Variants in MGMT observed in about 807,000 individuals in gnomAD.
MGMT encodes the protein methylated-DNA--protein-cysteine methyltransferase.
MGMT carries 14 observed loss-of-function variants against 15.9 expected under a neutral mutation model. That is an observed-to-expected ratio of 0.88 (90% CI 0.58 to 1.37). The LOEUF is 1.37. MGMT is among the 40% of genes most tolerant of loss of function. The pLI, the probability that MGMT is intolerant of heterozygous loss-of-function variation, is 0.00. For missense variants in MGMT, 282 were observed against 268.1 expected (o/e 1.05, Z -0.36); for synonymous variants, 130 against 118.2 (o/e 1.10, Z -0.65).
chr10:129,652,689 C>T (rs937284912), intron 2 of MGMT, among the ~76,000 whole-genome samples: 2 of 152,144 alleles, frequency 1.3e-5, no homozygotes, highest in Non-Finnish European at 2.9e-5. Context: ...GGACCCTGTC[C>T]TCCGCACGTC....
intron 2 of MGMT, chr10:129,694,219 G>A (rs991231453): frequency 6.6e-6 from 1 of 152,272 alleles, no homozygotes; most frequent in Admixed American, 6.5e-5. Flanking sequence ...AAGGGTTTGG[G>A]GGGTGAAATC....
intron 1 of MGMT, among the ~76,000 whole-genome samples, chr10:129,521,448 A>G (rs2119725585): frequency 6.6e-6 from 1 of 152,286 alleles, no homozygotes; most frequent in Middle Eastern, 3.4e-3. Context: ...ACTGGATGGA[A>G]GGGACTTCAG....
At chr10:129,679,488 T>G (rs1042875247) in intron 2 of MGMT, among the ~76,000 whole-genome samples, 27 of 152,154 alleles carry the variant, frequency 1.8e-4, no homozygotes, top group African/African-American at 6.5e-4. Context: ...AAAGCACAGC[T>G]TGAGAAATGT....
At chr10:129,643,495 G>A (rs1414225126) in intron 2 of MGMT, among the ~76,000 whole-genome samples, 1 of 152,182 alleles carries the variant, frequency 6.6e-6, no homozygotes, top group African/African-American at 2.4e-5. Context: ...TTGCTCAGAA[G>A]ACGTGGACGG....
At chr10:129,717,015 T>C (rs891320299) in intron 3 of MGMT, among the ~76,000 whole-genome samples, 2 of 152,242 alleles carry the variant, frequency 1.3e-5, no homozygotes, top group Non-Finnish European at 2.9e-5. Flanking sequence ...CGCTCCACTC[T>C]CCGAATCACT....
At chr10:129,654,818 G>T (rs569233680) in intron 2 of MGMT, among the ~76,000 whole-genome samples, 3 of 152,258 alleles carry the variant, frequency 2.0e-5, no homozygotes, top group African/African-American at 7.2e-5. Flanking sequence ...ACCTGAGGGT[G>T]GGGGGCTGTA....
At position 129,566,676 on chromosome 10, in the gene MGMT, C is replaced by T. The variant is rs1007639167; in HGVS notation, c.125+30299C>T. ...CCACTGTTGGTCGTTGGCTGGATCT[C>T]GTTGAAGGCCTGCGGAGATTCAGGT... On this transcript the variant is annotated intron_variant, in intron 2 of 4. Coordinates refer to ENST00000651593, the MANE Select transcript of MGMT (RefSeq NM_002412.5). The surrounding 1 kb of genome is among the most constrained non-coding windows in gnomAD (Gnocchi z 4.1). Among the ~76,000 whole-genome samples the T allele has an allele frequency of 2.0e-5, 3 of 152,054 alleles. No individual in the cohort carries two copies. Among genetic ancestry groups the T allele is most frequent in the Non-Finnish European group, 4.4e-5 (3 of 68,014 alleles).
chr10:129,686,907 G>C (rs1010456304), intron 2 of MGMT, among the ~76,000 whole-genome samples: 2 of 152,116 alleles, frequency 1.3e-5, no homozygotes, highest in Non-Finnish European at 2.9e-5. Context: ...GGGCGTGGGG[G>C]TTCTTCTCAG....
chr10:129,687,081 A>C (rs11016877), intron 2 of MGMT, among the ~76,000 whole-genome samples: 2 of 152,116 alleles, frequency 1.3e-5, no homozygotes, highest in African/African-American at 4.8e-5. Context: ...ACCCTGTGTC[A>C]CAAATAGTAG....
intron 3 of MGMT, among the ~76,000 whole-genome samples, chr10:129,756,035 C>T (rs1848802306): frequency 6.6e-6 from 1 of 152,224 alleles, no homozygotes; most frequent in Non-Finnish European, 1.5e-5. Flanking sequence ...CGCATAAAAA[C>T]CCAGTGTCTG....
chr10:129,667,323 C>T (rs754990352), intron 2 of MGMT, among the ~76,000 whole-genome samples: 17 of 152,258 alleles, frequency 1.1e-4, no homozygotes, highest in South Asian at 4.1e-4. Flanking sequence ...CCCTTCAACA[C>T]GATACTGTTG....
intron 1 of MGMT, among the ~76,000 whole-genome samples, chr10:129,521,639 G>T (rs1845811952): frequency 2.6e-5 from 4 of 152,292 alleles, no homozygotes; most frequent in South Asian, 4.1e-4. Context: ...TTTCCACCTG[G>T]TACCTTGGGG....
At chr10:129,530,934 G>A (rs1465106552) in intron 1 of MGMT, among the ~76,000 whole-genome samples, 1 of 152,196 alleles carries the variant, frequency 6.6e-6, no homozygotes, top group East Asian at 1.9e-4. Flanking sequence ...CTCTCCCCCC[G>A]AAGTGTGGCC....
chr10:129,569,531 T>G (rs1027312176), intron 2 of MGMT, among the ~76,000 whole-genome samples: 15 of 152,198 alleles, frequency 9.9e-5, no homozygotes, highest in African/African-American at 3.6e-4. Context: ...TGCTGTTGCC[T>G]GGCTTTGCCT....
At chr10:129,539,753 A>C (rs1463049886) in intron 2 of MGMT, among the ~76,000 whole-genome samples, 2 of 152,016 alleles carry the variant, frequency 1.3e-5, no homozygotes, top group Non-Finnish European at 2.9e-5. Flanking sequence ...TGATCCACCC[A>C]CCTCGGCCTC....
chr10:129,557,093 A>G (rs927632222), intron 2 of MGMT, among the ~76,000 whole-genome samples: 1 of 152,214 alleles, frequency 6.6e-6, no homozygotes, highest in Non-Finnish European at 1.5e-5. Context: ...CGGGAAATAC[A>G]GATATCCACC....
At position 129,467,252 on chromosome 10, in the gene MGMT, T is replaced by C. The variant is rs1845178009; in HGVS notation, c.-57T>C. On this transcript the variant is annotated 5_prime_UTR_variant, in exon 1 of 5. Transcript: ENST00000651593. ...GCCCGCGCCCCTAGAACGCTTTGCGTCCCGACGCCCGCAGGTCCTCGCGGT... is the reference window on the plus strand; with the variant it reads ...GCCCGCGCCCCTAGAACGCTTTGCGCCCCGACGCCCGCAGGTCCTCGCGGT... The C allele has an allele frequency of 1.3e-6, 2 of 1,535,736 alleles. No individual in the cohort carries two copies. Among genetic ancestry groups the C allele is most frequent in the Non-Finnish European group, 1.8e-6 (2 of 1,140,982 alleles).
chr10:129,484,134 A>G (rs1845385501), intron 1 of MGMT, among the ~76,000 whole-genome samples: 1 of 152,082 alleles, frequency 6.6e-6, no homozygotes, highest in African/African-American at 2.4e-5. Flanking sequence ...AGCATTTTGG[A>G]TTAGGTGTGC....
At chr10:129,713,225 A>G (rs1182208729) in intron 3 of MGMT, among the ~76,000 whole-genome samples, 1 of 152,148 alleles carries the variant, frequency 6.6e-6, no homozygotes, top group East Asian at 1.9e-4. Context: ...GCTCATAAAT[A>G]TTGTTGACCT....
Sources: allele counts gnomAD v4.1 joint callset (sites outside exome capture counted in the v4.1 genomes callset), GRCh38; gene constraint gnomAD v4.1.1; non-coding constraint Gnocchi (gnomAD v3.1); transcripts MANE v1.5; gene names NCBI Gene and HGNC (gene_info 2026-07-23, HGNC 2026-07-21).